The following ACTR2 variants were observed in gnomAD, a reference collection of about 807,000 sequenced individuals.
ACTR2 encodes actin-related protein 2.
Under a neutral mutation model 50.2 loss-of-function variants are expected in ACTR2, and 5 were observed. The observed-to-expected ratio is 0.10, with a 90% CI of 0.05 to 0.21. The LOEUF (loss-of-function observed/expected upper bound fraction) is 0.21, where lower values mean the gene tolerates loss of function less well. ACTR2 is among the 10% of genes least tolerant of loss of function. ACTR2 has a pLI of 1.00. For synonymous variants in ACTR2, 140 were observed against 162.9 expected (o/e 0.86, Z 1.07); for missense variants, 180 against 480.6 (o/e 0.37, Z 5.85).
In ACTR2 at chr2:65,270,956, T is replaced by A. The variant is rs2104031883; in HGVS notation, c.*2222T>A. On this transcript the variant is annotated 3_prime_UTR_variant, in exon 9 of 9. Transcript: ENST00000260641. Reference sequence around the variant, plus strand: ...ATCTGATTCTTAGCTCTTGAAACTATTGCTACTTAAATTTCCAATAATTAA... The same window carrying A: ...ATCTGATTCTTAGCTCTTGAAACTAATGCTACTTAAATTTCCAATAATTAA... 1 of 152,236 alleles carries A rather than the reference T, an allele frequency of 6.6e-6. No homozygotes were observed. Among genetic ancestry groups the A allele is most frequent in the African/African-American group, 2.4e-5 (1 of 41,556 alleles). 9.4% of individuals were successfully genotyped at this position (152,236 alleles called of 1,614,324 possible).
At chr2:65,252,907 CAG>C (rs758210336) in intron 4 of ACTR2, among the ~76,000 whole-genome samples, 68 of 152,070 alleles carry the variant, frequency 4.5e-4, no homozygotes, top group African/African-American at 9.2e-4. Context: ...GTTGAGGAAA[CAG>C]GGGAAACAAA....
At chr2:65,230,400 C>G (rs2103977300) in intron 1 of ACTR2, among the ~76,000 whole-genome samples, 1 of 138,332 alleles carries the variant, frequency 7.2e-6, no homozygotes, top group Non-Finnish European at 1.5e-5. Context: ...TTAACCGAAG[C>G]TGATTTTTTT....
At chr2:65,242,653 A>G in intron 2 of ACTR2, 1 of 512,482 alleles carries the variant, frequency 2.0e-6, no homozygotes, top group East Asian at 5.5e-5. Context: ...AAAAAGGTAA[A>G]GCTTTTCTAT....
At chr2:65,246,386 C>G (rs1484395330) in intron 2 of ACTR2, 138 bp from the exon 3 acceptor site, 1 of 647,358 alleles carries the variant, frequency 1.5e-6, no homozygotes, top group Non-Finnish European at 2.6e-6. Context: ...AGACATTGTT[C>G]TTGATAGAAA....
chr2:65,264,462 C>T (rs1019369969), intron 7 of ACTR2, among the ~76,000 whole-genome samples: 1 of 152,138 alleles, frequency 6.6e-6, no homozygotes, highest in African/African-American at 2.4e-5. Flanking sequence ...ACTACATATG[C>T]AGTCTTTTTA....
intron 4 of ACTR2, among the ~76,000 whole-genome samples, chr2:65,251,406 G>A (rs1378400937): frequency 2.6e-5 from 4 of 152,032 alleles, no homozygotes; most frequent in South Asian, 4.1e-4. Context: ...TTGTTGCCCA[G>A]GCCGGAGTGC....
rs1671856803 is a variant in ACTR2, at chr2:65,242,479, CATAGCCTGT to C, written c.159+2521_159+2529del. Among the ~76,000 whole-genome samples the C allele has an allele frequency of 2.6e-5, 4 of 151,906 alleles. No homozygotes were observed. The South Asian group carries it at 8.3e-4, about 32-fold the overall frequency. The stretch of plus-strand genomic sequence containing the variant: ...CAGTATTAAATTGAACATTGACTGT[CATAGCCTGT>C]ATATATATTTGCATCTAGTGTGGTA... On this transcript the variant is annotated intron_variant, in intron 2 of 8. Coordinates refer to ENST00000260641, the MANE Select transcript of ACTR2 (RefSeq NM_005722.4).
rs368532783 is a variant in ACTR2, at chr2:65,242,962, T to G, written c.159+3000T>G. Among the ~76,000 whole-genome samples, 132 of 152,250 alleles carry G rather than the reference T, an allele frequency of 8.7e-4. 3 individuals carry two copies. The South Asian group carries it at 0.023, about 27-fold the overall frequency. On this transcript the variant is annotated intron_variant, in intron 2 of 8. Coordinates refer to ENST00000260641, the MANE Select transcript of ACTR2 (RefSeq NM_005722.4). ...CCTAAATAAAAGATCATAACATTTG[T>G]GTTTATATTCTAATGAGATTAAGAA...
At chr2:65,242,739 G>C in intron 2 of ACTR2, 1 of 433,046 alleles carries the variant, frequency 2.3e-6, no homozygotes, top group Non-Finnish European at 4.6e-6. Context: ...TCTTATCTCA[G>C]ACATTTAACT....
intron 4 of ACTR2, among the ~76,000 whole-genome samples, chr2:65,252,337 A>T (rs1453866036): frequency 6.6e-6 from 1 of 151,990 alleles, no homozygotes; most frequent in Non-Finnish European, 1.5e-5. Context: ...AATTATATCC[A>T]CTTAAAAAGG....
intron 6 of ACTR2, 112 bp downstream of exon 6, chr2:65,255,806 T>A: frequency 3.3e-6 from 3 of 905,238 alleles, no homozygotes; most frequent in Non-Finnish European, 4.9e-6. Flanking sequence ...TGGGTTGTTG[T>A]AATATGTATA....
intron 8 of ACTR2, among the ~76,000 whole-genome samples, chr2:65,268,167 A>G (rs1271484167): frequency 6.6e-6 from 1 of 152,152 alleles, no homozygotes; most frequent in Non-Finnish European, 1.5e-5. Context: ...TTTGCTTGAC[A>G]GCAAAGTGAC....
intron 1 of ACTR2, among the ~76,000 whole-genome samples, chr2:65,229,024 G>C (rs1194415714): frequency 6.6e-6 from 1 of 151,970 alleles, no homozygotes; most frequent in African/African-American, 2.4e-5. Context: ...AGGTTGCAGT[G>C]AGCCGAGATT....
chr2:65,229,759 A>AG (rs1287594337), intron 1 of ACTR2, among the ~76,000 whole-genome samples: 2 of 150,208 alleles, frequency 1.3e-5, no homozygotes, highest in African/African-American at 4.8e-5. Flanking sequence ...TCAAAAAAAA[A>AG]AAAAAAAAAA....
intron 3 of ACTR2, among the ~76,000 whole-genome samples, chr2:65,249,935 G>GT (rs976279967): frequency 9.9e-5 from 15 of 152,238 alleles, no homozygotes; most frequent in African/African-American, 2.9e-4. Context: ...ATTTTACTGG[G>GT]TTTTTTATTT....
intron 1 of ACTR2, among the ~76,000 whole-genome samples, chr2:65,237,621 CAGG>C: frequency 6.6e-6 from 1 of 152,248 alleles, no homozygotes; most frequent in South Asian, 2.1e-4. Flanking sequence ...GAGGCTGAGA[CAGG>C]AGGATCATTG....
intron 1 of ACTR2, among the ~76,000 whole-genome samples, chr2:65,237,541 G>A (rs758202281): frequency 1.3e-5 from 2 of 152,026 alleles, no homozygotes; most frequent in Non-Finnish European, 2.9e-5. Flanking sequence ...TGGGCCCAGC[G>A]TAAACAGACT....
chr2:65,231,103 A>T (rs1189450359), intron 1 of ACTR2, among the ~76,000 whole-genome samples: 3 of 152,128 alleles, frequency 2.0e-5, no homozygotes, highest in Non-Finnish European at 4.4e-5. Flanking sequence ...CTTGTGTCTA[A>T]TCCATGTTTT....
chr2:65,246,412 T>C (rs1222389130), intron 2 of ACTR2, 112 bp from the exon 3 acceptor site: 7 of 738,400 alleles, frequency 9.5e-6, no homozygotes, highest in Non-Finnish European at 1.3e-5. Flanking sequence ...TTCTAACTTG[T>C]GGAATAAAAA....
Sources: allele counts gnomAD v4.1 joint callset (sites outside exome capture counted in the v4.1 genomes callset), GRCh38; gene constraint gnomAD v4.1.1; transcripts MANE v1.5; gene names NCBI Gene and HGNC (gene_info 2026-07-23, HGNC 2026-07-21).